GRIP1: variants seen among roughly 807,000 people sequenced by gnomAD.
GRIP1 encodes glutamate receptor-interacting protein 1.
Under a neutral mutation model 129.9 loss-of-function variants are expected in GRIP1, and 45 were observed. The observed-to-expected ratio is 0.35, with a 90% CI of 0.27 to 0.44. The LOEUF (loss-of-function observed/expected upper bound fraction) is 0.44. Ranked by LOEUF, GRIP1 falls within the 20% of genes least tolerant of loss-of-function variation. The probability of loss-of-function intolerance (pLI) is 1.00; values close to 1 mark genes in which losing one functional copy is unlikely to be tolerated. For synonymous variants in GRIP1, 530 were observed against 520.8 expected, an observed-to-expected ratio of 1.02 and a Z score of -0.24; for missense variants, 1,196 against 1,396.8, an observed-to-expected ratio of 0.86 and a Z score of 2.29.
At chr12:66,573,022 ATGT>A (rs1352993092) in intron 2 of GRIP1, among the ~76,000 whole-genome samples, 1 of 151,998 alleles carries the variant, frequency 6.6e-6, no homozygotes, top group Non-Finnish European at 1.5e-5. Context: ...TTCCAGATGC[ATGT>A]TGTTATATAT....
rs1182023993 is a variant in GRIP1, at chr12:66,711,746, G to GT, written c.-419-81411_-419-81410insA. 4.5e-4 allele frequency among the ~76,000 whole-genome samples: 68 copies of GT among 151,900 alleles called. 1 individual carries two copies. Among genetic ancestry groups the GT allele is most frequent in the African/African-American group, 1.6e-3 (68 of 41,484 alleles). Reference sequence around the variant, plus strand: ...CTACCTACCAACAATATTCTTTAGGGACTCAAAATTGGCCTGTCTGGGTCT... The same window carrying GT: ...CTACCTACCAACAATATTCTTTAGGGTACTCAAAATTGGCCTGTCTGGGTCT... On this transcript the variant is annotated intron_variant, in intron 1 of 4. Transcript: ENST00000538373.
chr12:66,536,048 G>C (rs2061595158), intron 4 of GRIP1, among the ~76,000 whole-genome samples: 1 of 152,106 alleles, frequency 6.6e-6, no homozygotes, highest in African/African-American at 2.4e-5. Context: ...AGCTGCTCAT[G>C]CTCAAAACCT....
At chr12:66,475,866 A>G (rs181240258) in intron 7 of GRIP1, among the ~76,000 whole-genome samples, 3 of 152,244 alleles carry the variant, frequency 2.0e-5, no homozygotes, top group African/African-American at 7.2e-5. Context: ...AATGCCCACA[A>G]GAGAAAGCAG....
intron 20 of GRIP1, among the ~76,000 whole-genome samples, chr12:66,378,726 T>G (rs1029183539): frequency 2.0e-5 from 3 of 151,730 alleles, no homozygotes; most frequent in Non-Finnish European, 4.4e-5. Context: ...GCCTAGGCAA[T>G]AGAGCGATAC....
chr12:66,986,598 T>C (rs2042315260), intron 1 of GRIP1, among the ~76,000 whole-genome samples: 1 of 148,278 alleles, frequency 6.7e-6, no homozygotes, highest in African/African-American at 2.5e-5. Context: ...AAACACCGCA[T>C]GTTCTCACTC....
intron 1 of GRIP1, among the ~76,000 whole-genome samples, chr12:66,659,658 A>C (rs1014000917): frequency 2.6e-5 from 4 of 152,192 alleles, no homozygotes; most frequent in African/African-American, 7.2e-5. Flanking sequence ...CTAATAGAAC[A>C]ATTCTTTTAC....
chr12:66,640,193 T>G (rs2031797778), intron 1 of GRIP1, among the ~76,000 whole-genome samples: 1 of 152,224 alleles, frequency 6.6e-6, no homozygotes, highest in South Asian at 2.1e-4. Flanking sequence ...TAATTGTTGC[T>G]GTTATGCTTA....
chr12:66,730,713 A>AAAAAAC (rs2036408422), intron 1 of GRIP1, among the ~76,000 whole-genome samples: 1 of 151,714 alleles, frequency 6.6e-6, no homozygotes, highest in African/African-American at 2.4e-5. Flanking sequence ...AAAAAAAAAA[A>AAAAAAC]AAAAAAAACT....
intron 1 of GRIP1, among the ~76,000 whole-genome samples, chr12:66,803,698 T>C (rs534528362): frequency 9.2e-5 from 14 of 152,340 alleles, no homozygotes; most frequent in African/African-American, 2.9e-4. Flanking sequence ...CCAAATGAGC[T>C]AGCCTTCCCT....
chr12:67,035,315 C>G (rs1377747660), intron 1 of GRIP1, among the ~76,000 whole-genome samples: 6 of 152,176 alleles, frequency 3.9e-5, no homozygotes, highest in Admixed American at 3.3e-4. Context: ...CTCAGCCCCC[C>G]TCAGCAGGGT....
chr12:66,351,556 GTTTTTT>G (rs72111092), intron 24 of GRIP1, among the ~76,000 whole-genome samples: 1 of 49,424 alleles, frequency 2.0e-5, no homozygotes, highest in Non-Finnish European at 5.0e-5. Context: ...CAGGAAGGTG[GTTTTTT>G]TTTTTTTTTT....
intron 1 of GRIP1, among the ~76,000 whole-genome samples, chr12:66,630,950 T>C (rs2030709289): frequency 1.3e-5 from 2 of 152,276 alleles, no homozygotes; most frequent in East Asian, 1.9e-4. Context: ...CTTTTTTTTT[T>C]TGGAGACAGA....
At chr12:66,903,636 A>G (rs1333437806) in intron 1 of GRIP1, among the ~76,000 whole-genome samples, 1 of 152,222 alleles carries the variant, frequency 6.6e-6, no homozygotes. Context: ...AAGTAATCAA[A>G]GAAAGATTTT....
rs1278693579 is a variant in GRIP1, at chr12:66,392,775, T to C, written c.2171A>G (p.Asn724Ser). The C allele has an allele frequency of 6.2e-7, 1 of 1,614,130 alleles. No homozygotes were observed. The highest frequency in any genetic ancestry group is 1.7e-5 in the Admixed American group (1 of 60,022). ...IHIGDRILAI[N>S]SSSLKGKPLS... ...AGGCTTCCCTTTCAAGCTGCTGCTA[T>C]TGATGGCTAGGATTCGGTCTCCTAT... Residue 724 changes from asparagine to serine, a missense_variant, in exon 18 of 25, where the codon AAT becomes AGT. Asn to Ser is a conservative substitution (Grantham distance 46). Coordinates refer to ENST00000359742, the MANE Select transcript of GRIP1 (RefSeq NM_001366722.1).
At chr12:66,948,816 C>G (rs952701229) in intron 1 of GRIP1, among the ~76,000 whole-genome samples, 1 of 151,786 alleles carries the variant, frequency 6.6e-6, no homozygotes, top group Non-Finnish European at 1.5e-5. Flanking sequence ...GAACAAATTC[C>G]TAACTTCCTA....
intron 13 of GRIP1, among the ~76,000 whole-genome samples, chr12:66,440,966 A>G (rs1266393015): frequency 1.3e-5 from 2 of 152,342 alleles, no homozygotes; most frequent in East Asian, 3.9e-4. Flanking sequence ...AATGGTGTCC[A>G]GTCTCTTTCA....
intron 1 of GRIP1, among the ~76,000 whole-genome samples, chr12:66,858,931 G>C (rs1187504630): frequency 6.6e-6 from 1 of 151,802 alleles, no homozygotes; most frequent in Non-Finnish European, 1.5e-5. Context: ...TGATGTATCA[G>C]AGCTCTTCCG....
chr12:66,859,737 A>G, intron 1 of GRIP1, among the ~76,000 whole-genome samples: 1 of 152,054 alleles, frequency 6.6e-6, no homozygotes, highest in East Asian at 1.9e-4. Flanking sequence ...CAATCTGGGC[A>G]ATTCCTAAAA....
Position 66,480,735 on chromosome 12 carries a change from C to G in GRIP1, c.725-15313G>C, listed in dbSNP as rs901061093. 2.6e-5 allele frequency among the ~76,000 whole-genome samples: 4 copies of G among 152,118 alleles called. No homozygotes were observed. The South Asian group carries it at 8.3e-4, about 32-fold the overall frequency. On this transcript the variant is annotated intron_variant, in intron 7 of 24. Transcript: ENST00000359742. ...AGAGATATAGACCAATGGAACAGAACAGAGGCCTCAGAAATAATACCACAC... is the reference window on the plus strand; with the variant it reads ...AGAGATATAGACCAATGGAACAGAAGAGAGGCCTCAGAAATAATACCACAC...
Sources: allele counts gnomAD v4.1 joint callset (sites outside exome capture counted in the v4.1 genomes callset), GRCh38; gene constraint gnomAD v4.1.1; transcripts MANE v1.5; gene names NCBI Gene and HGNC (gene_info 2026-07-23, HGNC 2026-07-21).